DRC8: variants seen among roughly 807,000 people sequenced by gnomAD.
DRC8 encodes dynein regulatory complex protein 8.
the DRC8 span, among the ~76,000 whole-genome samples, chr1:245,000,713 G>A: frequency 2.6e-5 from 4 of 151,860 alleles, no homozygotes; most frequent in African/African-American, 4.8e-5. Context: ...CCCTGGAGGC[G>A]GAGCTTGCTG....
chr1:245,117,753 G>C, the DRC8 span, among the ~76,000 whole-genome samples: 2 of 152,132 alleles, frequency 1.3e-5, no homozygotes, highest in African/African-American at 4.8e-5. Context: ...CGGATCGCTT[G>C]AGGCCAGGAG....
the DRC8 span, among the ~76,000 whole-genome samples, chr1:245,021,413 AT>A: frequency 6.7e-6 from 1 of 149,142 alleles, no homozygotes; most frequent in Admixed American, 6.7e-5. Flanking sequence ...TATTATAATT[AT>A]TCTACTTTAT....
the DRC8 span, among the ~76,000 whole-genome samples, chr1:244,992,683 T>C: frequency 6.6e-6 from 1 of 152,120 alleles, no homozygotes; most frequent in South Asian, 2.1e-4. Context: ...AAGGTTGCAG[T>C]GAGCCGAGAT....
the DRC8 span, among the ~76,000 whole-genome samples, chr1:245,119,499 CA>C: frequency 2.7e-5 from 4 of 150,832 alleles, 1 homozygote; most frequent in East Asian, 3.9e-4. Context: ...CCTGTCTCTA[CA>C]AAAAAAATTT....
At chr1:245,076,365 T>C in the DRC8 span, among the ~76,000 whole-genome samples, 1 of 152,226 alleles carries the variant, frequency 6.6e-6, no homozygotes, top group African/African-American at 2.4e-5. Flanking sequence ...ATGCTGAAGC[T>C]AGAGGATGAA....
At chr1:245,046,883 A>G in the DRC8 span, among the ~76,000 whole-genome samples, 1 of 152,172 alleles carries the variant, frequency 6.6e-6, no homozygotes, top group African/African-American at 2.4e-5. Flanking sequence ...AACTATGTCA[A>G]CAAATTGCCA....
chr1:244,986,259 T>G, the DRC8 span, among the ~76,000 whole-genome samples: 6 of 152,104 alleles, frequency 3.9e-5, no homozygotes, highest in African/African-American at 1.4e-4. Context: ...CTGGTCTGAT[T>G]TAAATTTTTC....
At chr1:245,111,494 T>C in the DRC8 span, among the ~76,000 whole-genome samples, 1 of 152,242 alleles carries the variant, frequency 6.6e-6, no homozygotes, top group African/African-American at 2.4e-5. Context: ...AATAGACTAA[T>C]GAAGGTGACG....
the DRC8 span, among the ~76,000 whole-genome samples, chr1:245,024,611 G>T: frequency 6.8e-6 from 1 of 147,746 alleles, no homozygotes; most frequent in Admixed American, 6.9e-5. Flanking sequence ...GCAGTGGCAC[G>T]ATCTCAGCTC....
chr1:245,025,586 C>T, the DRC8 span, among the ~76,000 whole-genome samples: 1 of 152,096 alleles, frequency 6.6e-6, no homozygotes, highest in Non-Finnish European at 1.5e-5. Context: ...CCAATCTTTC[C>T]CCTTTCCCAA....
At chr1:245,115,553 C>T in the DRC8 span, among the ~76,000 whole-genome samples, 1 of 152,210 alleles carries the variant, frequency 6.6e-6, no homozygotes, top group African/African-American at 2.4e-5. Context: ...AGGACTCATT[C>T]ATTCTTTCAG....
At chr1:244,976,191 C>G in the DRC8 span, among the ~76,000 whole-genome samples, 1 of 152,050 alleles carries the variant, frequency 6.6e-6, no homozygotes, top group Non-Finnish European at 1.5e-5. Context: ...ATTGCTTGAA[C>G]CTGGGGGATG....
At chr1:244,981,335 CAAAT>C in the DRC8 span, among the ~76,000 whole-genome samples, 1 of 152,036 alleles carries the variant, frequency 6.6e-6, no homozygotes, top group Non-Finnish European at 1.5e-5. Context: ...GGAAAATGAG[CAAAT>C]AGTGTCACAA....
At chr1:245,088,349 C>CAT in the DRC8 span, among the ~76,000 whole-genome samples, 38 of 151,776 alleles carry the variant, frequency 2.5e-4, 2 homozygotes, top group African/African-American at 8.0e-4. This position sits in a 1 kb window ranked among gnomAD's most constrained non-coding sequence, Gnocchi z 4.6. Flanking sequence ...CACACACACA[C>CAT]GGGTCTCTAT....
the DRC8 span, among the ~76,000 whole-genome samples, chr1:245,043,577 G>A: frequency 3.3e-5 from 5 of 151,990 alleles, no homozygotes; most frequent in African/African-American, 9.7e-5. Flanking sequence ...CCATGAAATC[G>A]ATTTAAAAGG....
chr1:245,034,701 G>A, the DRC8 span, among the ~76,000 whole-genome samples: 1 of 139,990 alleles, frequency 7.1e-6, no homozygotes, highest in Non-Finnish European at 1.6e-5. Flanking sequence ...CCTATATAAA[G>A]AAAAATGAAA....
At chr1:244,985,085 T>TTTG in the DRC8 span, among the ~76,000 whole-genome samples, 1 of 150,152 alleles carries the variant, frequency 6.7e-6, no homozygotes, top group African/African-American at 2.5e-5. Context: ...GGTTTTTTTT[T>TTTG]TTTTTTTTTT....
chr1:245,028,119 G>A, the DRC8 span, among the ~76,000 whole-genome samples: 1 of 152,068 alleles, frequency 6.6e-6, no homozygotes, highest in Middle Eastern at 3.2e-3. Context: ...TGAACTTCCG[G>A]GCTCAAGCAA....
the DRC8 span, among the ~76,000 whole-genome samples, chr1:245,049,112 G>A: frequency 2.3e-4 from 35 of 152,028 alleles, no homozygotes; most frequent in South Asian, 1.7e-3. This position sits in a 1 kb window ranked among gnomAD's most constrained non-coding sequence, Gnocchi z 4.5. Flanking sequence ...AGCCTCTCGA[G>A]TAGCTGGACT....
Sources: gnomAD v4.1 joint callset for allele counts (sites outside exome capture counted in the v4.1 genomes callset) on GRCh38, gnomAD v4.1.1 for gene constraint, Gnocchi (gnomAD v3.1) non-coding constraint, MANE v1.5 for transcripts, NCBI Gene and HGNC (gene_info 2026-07-23, HGNC 2026-07-21) for gene names.